Variants in NCMAP observed in about 807,000 individuals in gnomAD.
NCMAP encodes non-compact myelin associated protein.
NCMAP carries 8 observed loss-of-function variants against 7.8 expected under a neutral mutation model. The observed-to-expected ratio is 1.02, with a 90% CI of 0.60 to 1.84. NCMAP has a LOEUF of 1.84. NCMAP is among the 40% of genes most tolerant of loss of function. The probability of loss-of-function intolerance (pLI) is 0.00; values close to 1 mark genes in which losing one functional copy is unlikely to be tolerated. For missense variants in NCMAP, 112 were observed against 131.4 expected, an observed-to-expected ratio of 0.85 and a Z score of 0.72; for synonymous variants, 41 against 52.9, an observed-to-expected ratio of 0.78 and a Z score of 0.98.
chr1:24,578,090 C>A (rs1463600940), intron 1 of NCMAP, among the ~76,000 whole-genome samples: 1 of 151,768 alleles, frequency 6.6e-6, no homozygotes, highest in African/African-American at 2.4e-5. Context: ...TAGTGAGACC[C>A]TGTTTGTACT....
chr1:24,595,460 C>T lies in NCMAP; in HGVS notation c.30C>T (p.Thr10=), dbSNP rs752915108. Residue 10 remains threonine, a synonymous_variant, in exon 2 of 4, where the codon ACC becomes ACT. Coordinates refer to ENST00000374392, the MANE Select transcript of NCMAP (RefSeq NM_001010980.5). The part of the protein sequence containing the change: MTTATPLGD[T]TFFSLNMTTR... ...CCACAGCCACCCCTCTGGGGGATAC[C>T]ACCTTCTTCTCACTGAACATGACCA... is the stretch of plus-strand genomic sequence containing the variant. 8.1e-6 allele frequency: 13 copies of T among 1,613,894 alleles called. No homozygotes were observed. Among genetic ancestry groups the T allele is most frequent in the Middle Eastern group, 1.6e-4 (1 of 6,084 alleles).
chr1:24,594,355 A>G (rs892452116), intron 1 of NCMAP, among the ~76,000 whole-genome samples: 3 of 152,136 alleles, frequency 2.0e-5, no homozygotes, highest in Admixed American at 1.3e-4. Context: ...CTCAGGGTAA[A>G]AAAATACATT....
At chr1:24,595,564 A>C in intron 2 of NCMAP, 52 bp downstream of exon 2, 2 of 1,437,022 alleles carry the variant, frequency 1.4e-6, no homozygotes, top group Non-Finnish European at 2.0e-6. Flanking sequence ...GACCAGTGTC[A>C]TGGTCATAGT....
At chr1:24,573,918 G>A (rs1475077448) in intron 1 of NCMAP, among the ~76,000 whole-genome samples, 2 of 139,214 alleles carry the variant, frequency 1.4e-5, no homozygotes, top group South Asian at 2.3e-4. Context: ...CAGTGTGGGC[G>A]GCACCATGCA....
chr1:24,560,766 G>A (rs1284999364), intron 1 of NCMAP, among the ~76,000 whole-genome samples: 1 of 151,116 alleles, frequency 6.6e-6, no homozygotes, highest in Non-Finnish European at 1.5e-5. Flanking sequence ...AAAAGCAGTT[G>A]TGCAACTTTT....
In NCMAP at chr1:24,601,028, C is replaced by T. The variant is rs372348645; in HGVS notation, c.167+4C>T. 7.2e-5 allele frequency: 116 copies of T among 1,613,308 alleles called. No homozygotes were observed. The highest frequency in any genetic ancestry group is 1.7e-4 in the Middle Eastern group (1 of 6,026). ...TCCTGCTGAAGATGTACAACAGGTA[C>T]GGATGCCCTGGGCTTTGGAACTGCC... On this transcript the variant is annotated splice_donor_region_variant and intron_variant, in intron 3 of 3. Coordinates refer to ENST00000374392, the MANE Select transcript of NCMAP (RefSeq NM_001010980.5).
chr1:24,565,572 TTGTGTG>T (rs58714256), intron 1 of NCMAP, among the ~76,000 whole-genome samples: 3,346 of 143,708 alleles, frequency 0.023, 70 homozygotes, highest in Middle Eastern at 0.039. Flanking sequence ...TGATAGAAGA[TTGTGTG>T]TGTGTGTGTG....
At chr1:24,604,282 A>G (rs9328949) in intron 3 of NCMAP, among the ~76,000 whole-genome samples, 8,166 of 152,034 alleles carry the variant, frequency 0.054, 747 homozygotes, top group African/African-American at 0.19. Context: ...ATTTTTAACA[A>G]ATAATTATAA....
intron 2 of NCMAP, 111 bp downstream of exon 2, chr1:24,595,623 G>A: frequency 1.4e-6 from 1 of 739,420 alleles, no homozygotes; most frequent in South Asian, 1.8e-5. Flanking sequence ...TGGGTCTCAG[G>A]CCCAGTTCTG....
At chr1:24,595,546 G>A in intron 2 of NCMAP, 34 bp downstream of exon 2, 1 of 1,524,518 alleles carries the variant, frequency 6.6e-7, no homozygotes. Flanking sequence ...CTGGGGGAAG[G>A]ATGGCAGGAC....
intron 1 of NCMAP, among the ~76,000 whole-genome samples, chr1:24,571,252 G>A (rs989290256): frequency 6.6e-6 from 1 of 150,600 alleles, no homozygotes; most frequent in Admixed American, 6.6e-5. Flanking sequence ...CGAGGCAGGC[G>A]GATCACGGGG....
chr1:24,593,187 A>C (rs1226788640), intron 1 of NCMAP, among the ~76,000 whole-genome samples: 1 of 151,852 alleles, frequency 6.6e-6, no homozygotes, highest in African/African-American at 2.4e-5. Context: ...CAAAAGAAAA[A>C]AAAAAAAAGA....
At position 24,578,012 on chromosome 1, in the gene NCMAP, CAGCACTTTGGG is replaced by C. The variant is rs533979367; in HGVS notation, c.-7-17409_-7-17399del. 1.2e-3 allele frequency among the ~76,000 whole-genome samples: 182 copies of C among 152,196 alleles called. 2 individuals are homozygous for C. Among genetic ancestry groups the C allele is most frequent in the African/African-American group, 3.9e-3 (163 of 41,524 alleles). On this transcript the variant is annotated intron_variant, in intron 1 of 3. Coordinates refer to ENST00000374392, the MANE Select transcript of NCMAP (RefSeq NM_001010980.5). ...GCACAATGGCTCACGCCTGTAATCC[CAGCACTTTGGG>C]AGGCTGAGGCGGGTGGATCACTTGA...
intron 1 of NCMAP, among the ~76,000 whole-genome samples, chr1:24,568,820 G>T (rs182287511): frequency 1.1e-3 from 170 of 152,110 alleles, no homozygotes; most frequent in African/African-American, 4.0e-3. Context: ...CAGGGGTCTC[G>T]ATATATTGCC....
rs1410050529 is a variant in NCMAP, at chr1:24,606,920, T to A, written c.*1173T>A. On this transcript the variant is annotated 3_prime_UTR_variant, in exon 4 of 4. Coordinates refer to ENST00000374392, the MANE Select transcript of NCMAP (RefSeq NM_001010980.5). ...CAAGTGAAGGACTTAGGAAAACATCTGGAGTATAGCGCCTGGCACCCAGGA... is the reference window on the plus strand; with the variant it reads ...CAAGTGAAGGACTTAGGAAAACATCAGGAGTATAGCGCCTGGCACCCAGGA... 1 of 152,162 alleles carries A rather than the reference T, an allele frequency of 6.6e-6. No individual in the cohort carries two copies. The highest frequency in any genetic ancestry group is 6.5e-5 in the Admixed American group (1 of 15,274). The allele number at this position is 152,162 out of a possible 1,614,324, so 9.4% of individuals were successfully genotyped here.
At chr1:24,570,601 C>A (rs985014467) in intron 1 of NCMAP, among the ~76,000 whole-genome samples, 1 of 151,060 alleles carries the variant, frequency 6.6e-6, no homozygotes, top group Admixed American at 6.5e-5. Flanking sequence ...CCAGGTCAGT[C>A]TGACCCCACA....
At chr1:24,604,563 T>C (rs375420392) in intron 3 of NCMAP, among the ~76,000 whole-genome samples, 37 of 66,638 alleles carry the variant, frequency 5.6e-4, no homozygotes, top group Middle Eastern at 0.017. Flanking sequence ...GCAACCAGGG[T>C]AAGACTGTCT....
intron 3 of NCMAP, among the ~76,000 whole-genome samples, chr1:24,603,145 A>T (rs1652566558): frequency 6.6e-6 from 1 of 152,168 alleles, no homozygotes; most frequent in South Asian, 2.1e-4. Flanking sequence ...TAAGCTCCTT[A>T]CATGTGTTAA....
chr1:24,563,534 C>CAAAAAAA (rs57911205), intron 1 of NCMAP: 20 of 125,294 alleles, frequency 1.6e-4, no homozygotes, highest in African/African-American at 2.8e-4. Context: ...AAAACAACAA[C>CAAAAAAA]AAAAAAAAAA....
Sources: gnomAD v4.1 joint callset for allele counts (sites outside exome capture counted in the v4.1 genomes callset) on GRCh38, gnomAD v4.1.1 for gene constraint, MANE v1.5 for transcripts, NCBI Gene and HGNC (gene_info 2026-07-23, HGNC 2026-07-21) for gene names.